Variants in DYM observed in about 807,000 individuals in gnomAD.
DYM encodes the protein dymeclin.
Under a neutral mutation model 93.1 loss-of-function variants are expected in DYM, and 78 were observed. That is an observed-to-expected ratio of 0.84 (90% CI 0.70 to 1.01). DYM has a LOEUF of 1.01. DYM is among the 50% of genes least tolerant of loss of function. DYM has a pLI of 0.00. For synonymous variants in DYM, 321 were observed against 319.7 expected (o/e 1.00, Z -0.04); for missense variants, 789 against 845.0 (o/e 0.93, Z 0.82).
chr18:49,353,802 C>A (rs2065320718), intron 6 of DYM, among the ~76,000 whole-genome samples: 1 of 151,942 alleles, frequency 6.6e-6, no homozygotes, highest in Non-Finnish European at 1.5e-5. Flanking sequence ...GAAAGATATT[C>A]TATATTCATG....
At chr18:49,161,458 T>C (rs1238832687) in intron 15 of DYM, among the ~76,000 whole-genome samples, 1 of 152,210 alleles carries the variant, frequency 6.6e-6, no homozygotes, top group Non-Finnish European at 1.5e-5. Flanking sequence ...GAATACTACA[T>C]AAATCAAATA....
At chr18:49,157,518 T>G (rs2094176723) in intron 15 of DYM, among the ~76,000 whole-genome samples, 1 of 152,194 alleles carries the variant, frequency 6.6e-6, no homozygotes, top group African/African-American at 2.4e-5. Flanking sequence ...ACAGAAAAGG[T>G]AATTGAGGCC....
rs145152550 is a variant in DYM at position 49,447,385 on chromosome 18, G to A, written c.-54+13013C>T. On this transcript the variant is annotated intron_variant, in intron 1 of 17. Coordinates refer to ENST00000675505, the MANE Select transcript of DYM (RefSeq NM_001353214.3). ...CATGTCCGTGTCCTAATTCTTTCTC[G>A]GCAGGCAACAACAAACCCTAGGGTA... 1,012 of 152,160 alleles carry A rather than the reference G, an allele frequency of 6.7e-3. 4 individuals are homozygous for A. Among genetic ancestry groups the A allele is most frequent in the Non-Finnish European group, 0.011 (735 of 68,076 alleles). 9.4% of individuals were successfully genotyped at this position (152,160 alleles called of 1,614,324 possible).
At chr18:49,099,024 A>T (rs555366756) in intron 16 of DYM, among the ~76,000 whole-genome samples, 52 of 152,242 alleles carry the variant, frequency 3.4e-4, no homozygotes, top group African/African-American at 1.2e-3. Flanking sequence ...TTTTGTTGGT[A>T]AAAAAATGGT....
At chr18:49,346,717 T>C (rs1420751035) in intron 6 of DYM, among the ~76,000 whole-genome samples, 2 of 152,172 alleles carry the variant, frequency 1.3e-5, no homozygotes, top group Non-Finnish European at 2.9e-5. Context: ...ACTGCCAGGA[T>C]AGAATGTTAA....
intron 8 of DYM, chr18:49,321,521 A>G (rs2062480124): frequency 7.6e-6 from 3 of 393,998 alleles, no homozygotes; most frequent in African/African-American, 2.1e-5. Flanking sequence ...TTTCCAATGA[A>G]TATCATTTTT....
intron 16 of DYM, among the ~76,000 whole-genome samples, chr18:49,099,284 G>A (rs1374638434): frequency 3.9e-5 from 6 of 151,990 alleles, no homozygotes; most frequent in Non-Finnish European, 7.4e-5. Context: ...AGATCATACA[G>A]ACAAGGAGTA....
chr18:49,061,487 T>G (rs2075980868), intron 17 of DYM, among the ~76,000 whole-genome samples: 1 of 152,210 alleles, frequency 6.6e-6, no homozygotes, highest in Admixed American at 6.5e-5. Flanking sequence ...GAGCCTAGAC[T>G]TTTCTGCATA....
At chr18:49,165,071 G>A (rs1295328516) in intron 14 of DYM, among the ~76,000 whole-genome samples, 3 of 151,974 alleles carry the variant, frequency 2.0e-5, no homozygotes, top group Non-Finnish European at 2.9e-5. Flanking sequence ...TTAACAAAAG[G>A]ATACAAAAAA....
chr18:49,369,226 A>G (rs539917479), intron 5 of DYM, among the ~76,000 whole-genome samples: 196 of 152,312 alleles, frequency 1.3e-3, no homozygotes, highest in Non-Finnish European at 2.4e-3. Flanking sequence ...TTACCCTTCC[A>G]TATGTGGCCT....
chr18:49,166,152 C>T (rs2087834183), intron 14 of DYM, among the ~76,000 whole-genome samples: 1 of 152,116 alleles, frequency 6.6e-6, no homozygotes, highest in Non-Finnish European at 1.5e-5. Context: ...CCACTGATAA[C>T]TAATATTAAG....
intron 13 of DYM, among the ~76,000 whole-genome samples, chr18:49,253,602 C>A (rs931189713): frequency 2.0e-5 from 3 of 152,204 alleles, no homozygotes; most frequent in African/African-American, 7.2e-5. Context: ...CTCCGCACTT[C>A]CAACAAGCTC....
At chr18:49,294,209 G>C (rs2060370886) in intron 8 of DYM, among the ~76,000 whole-genome samples, 1 of 152,088 alleles carries the variant, frequency 6.6e-6, no homozygotes, top group African/African-American at 2.4e-5. Context: ...TGCTGTTTTG[G>C]TTACTGTAGT....
intron 1 of DYM, among the ~76,000 whole-genome samples, chr18:49,435,600 CA>C (rs1295982271): frequency 2.0e-5 from 3 of 151,978 alleles, no homozygotes; most frequent in Non-Finnish European, 4.4e-5. Context: ...CCAGCCTGGC[CA>C]ACATAGTGAA....
chr18:49,203,651 G>A (rs537927715), intron 14 of DYM, among the ~76,000 whole-genome samples: 244 of 141,176 alleles, frequency 1.7e-3, no homozygotes, highest in African/African-American at 6.3e-3. Flanking sequence ...ATGCTTGAAG[G>A]CAGCATGCTC....
chr18:49,347,498 G>A (rs1014093), intron 6 of DYM, among the ~76,000 whole-genome samples: 1,529 of 152,170 alleles, frequency 0.01, 43 homozygotes, highest in South Asian at 0.076. Context: ...TGCAGGAGTC[G>A]CCGATTCGAA....
intron 17 of DYM, among the ~76,000 whole-genome samples, chr18:49,088,211 T>C (rs1782679812): frequency 6.6e-6 from 1 of 152,222 alleles, no homozygotes; most frequent in Non-Finnish European, 1.5e-5. Flanking sequence ...CTGAATGGTA[T>C]TGCCTAGGTT....
At chr18:49,441,571 G>C (rs188902882) in intron 1 of DYM, among the ~76,000 whole-genome samples, 1 of 150,714 alleles carries the variant, frequency 6.6e-6, no homozygotes, top group African/African-American at 2.4e-5. Context: ...ATTAAGTACA[G>C]TTGGGTATTC....
At chr18:49,285,905 C>T (rs942741036) in intron 9 of DYM, among the ~76,000 whole-genome samples, 4 of 152,200 alleles carry the variant, frequency 2.6e-5, no homozygotes, top group African/African-American at 9.6e-5. Context: ...TTTACTGGAG[C>T]ACAGCCATCT....
Sources: gnomAD v4.1 joint callset for allele counts (sites outside exome capture counted in the v4.1 genomes callset) on GRCh38, gnomAD v4.1.1 for gene constraint, MANE v1.5 for transcripts, NCBI Gene and HGNC (gene_info 2026-07-23, HGNC 2026-07-21) for gene names.